Variants in SLC9A9 observed in about 807,000 individuals in gnomAD.
SLC9A9 encodes the protein solute carrier family 9 member A9.
Under a neutral mutation model 77.8 loss-of-function variants are expected in SLC9A9, and 62 were observed. The ratio of observed to expected loss-of-function variants is 0.80; its 90% CI spans 0.65 to 0.98. SLC9A9 has a LOEUF of 0.98. SLC9A9 is among the 50% of genes least tolerant of loss of function. The pLI, the probability that SLC9A9 is intolerant of heterozygous loss-of-function variation, is 0.00. For synonymous variants in SLC9A9, 320 were observed against 283.5 expected (o/e 1.13, Z -1.29); for missense variants, 775 against 774.9 (o/e 1.00, Z 0.00).
chr3:143,764,593 G>A (rs868346917), intron 4 of SLC9A9, among the ~76,000 whole-genome samples: 3 of 152,122 alleles, frequency 2.0e-5, no homozygotes, highest in Non-Finnish European at 2.9e-5. Flanking sequence ...TTGAGGCAGG[G>A]TCTTGCTCTG....
chr3:143,409,616 G>C (rs549759549), intron 12 of SLC9A9, among the ~76,000 whole-genome samples: 15 of 152,348 alleles, frequency 9.8e-5, no homozygotes, highest in African/African-American at 3.6e-4. Context: ...AGAAAGTCAA[G>C]ATGGTCTAAG....
At chr3:143,448,853 G>T (rs2034894457) in intron 12 of SLC9A9, among the ~76,000 whole-genome samples, 1 of 59,314 alleles carries the variant, frequency 1.7e-5, no homozygotes, top group African/African-American at 8.9e-5. Context: ...AATATATTAT[G>T]TTATATAATA....
At chr3:143,567,246 T>C (rs1346359455) in intron 8 of SLC9A9, among the ~76,000 whole-genome samples, 1 of 152,152 alleles carries the variant, frequency 6.6e-6, no homozygotes. Context: ...AAAATAGAGA[T>C]GCCAATTAAT....
chr3:143,693,753 A>T (rs1933548571), intron 4 of SLC9A9, among the ~76,000 whole-genome samples: 1 of 152,120 alleles, frequency 6.6e-6, no homozygotes, highest in Non-Finnish European at 1.5e-5. Context: ...TTGGCCAATC[A>T]CAAGGCACTC....
intron 14 of SLC9A9, among the ~76,000 whole-genome samples, chr3:143,302,798 G>A (rs925951383): frequency 2.0e-5 from 3 of 152,244 alleles, no homozygotes; most frequent in African/African-American, 7.2e-5. Flanking sequence ...GATAAAGCCA[G>A]ATGGGTACAA....
At chr3:143,596,668 T>C (rs1339714841) in intron 6 of SLC9A9, among the ~76,000 whole-genome samples, 1 of 152,078 alleles carries the variant, frequency 6.6e-6, no homozygotes, top group South Asian at 2.1e-4. Flanking sequence ...TCTTTTTCTT[T>C]TTCTTTTTTT....
chr3:143,577,236 C>T (rs1197292325), intron 7 of SLC9A9, among the ~76,000 whole-genome samples: 1 of 152,182 alleles, frequency 6.6e-6, no homozygotes, highest in Non-Finnish European at 1.5e-5. Flanking sequence ...AAGCTGACTC[C>T]ATCCCTCCTG....
intron 14 of SLC9A9, among the ~76,000 whole-genome samples, chr3:143,301,293 T>C (rs1440229885): frequency 6.6e-6 from 1 of 152,226 alleles, no homozygotes; most frequent in African/African-American, 2.4e-5. Flanking sequence ...CAAACTATAG[T>C]CTTCTATCTC....
chr3:143,595,570 A>G (rs2037738961), intron 6 of SLC9A9, among the ~76,000 whole-genome samples: 1 of 152,200 alleles, frequency 6.6e-6, no homozygotes, highest in Admixed American at 6.5e-5. Context: ...CTCAATTAAG[A>G]TCAGATACAA....
chr3:143,612,062 A>G (rs1576609785), intron 6 of SLC9A9, among the ~76,000 whole-genome samples: 1 of 152,178 alleles, frequency 6.6e-6, no homozygotes, highest in Non-Finnish European at 1.5e-5. Flanking sequence ...TCAGTCATCA[A>G]TGTCAGAAAC....
At chr3:143,654,791 G>T (rs934304732) in intron 5 of SLC9A9, among the ~76,000 whole-genome samples, 7 of 152,162 alleles carry the variant, frequency 4.6e-5, no homozygotes, top group Admixed American at 1.3e-4. Flanking sequence ...GAAAAGGAAG[G>T]TAAGGCCCTT....
chr3:143,821,550 G>A (rs1042090772), intron 2 of SLC9A9, among the ~76,000 whole-genome samples: 5 of 152,280 alleles, frequency 3.3e-5, no homozygotes, highest in South Asian at 2.1e-4. Flanking sequence ...TTTTGGGGAC[G>A]TGAAAAATGA....
At chr3:143,608,649 T>G (rs536318987) in intron 6 of SLC9A9, among the ~76,000 whole-genome samples, 1 of 152,338 alleles carries the variant, frequency 6.6e-6, no homozygotes, top group South Asian at 2.1e-4. Context: ...TTGAAACATA[T>G]AAGTACAGTA....
At chr3:143,456,792 T>C (rs1373078514) in intron 12 of SLC9A9, among the ~76,000 whole-genome samples, 1 of 152,124 alleles carries the variant, frequency 6.6e-6, no homozygotes. Flanking sequence ...CTCGAACTCC[T>C]GACCTCATGA....
At chr3:143,528,525 G>A (rs1056046662) in intron 9 of SLC9A9, among the ~76,000 whole-genome samples, 1 of 152,128 alleles carries the variant, frequency 6.6e-6, no homozygotes, top group African/African-American at 2.4e-5. Context: ...TTTTAGCACT[G>A]AAAGTCCTCT....
At chr3:143,552,616 G>A (rs2036913088) in intron 8 of SLC9A9, among the ~76,000 whole-genome samples, 166 bp from the exon 9 acceptor site, 1 of 152,094 alleles carries the variant, frequency 6.6e-6, no homozygotes, top group African/African-American at 2.4e-5. Context: ...GCTTTAAACA[G>A]GGTTTAAACA....
intron 1 of SLC9A9, among the ~76,000 whole-genome samples, chr3:143,840,684 G>A (rs2009684629): frequency 6.6e-6 from 1 of 152,162 alleles, no homozygotes; most frequent in South Asian, 2.1e-4. Flanking sequence ...AGGCTTCAAG[G>A]TAGAGAAGAA....
At chr3:143,578,910 C>T (rs2037410229) in intron 6 of SLC9A9, among the ~76,000 whole-genome samples, 187 bp from the exon 7 acceptor site, 2 of 152,058 alleles carry the variant, frequency 1.3e-5, no homozygotes, top group Non-Finnish European at 2.9e-5. Flanking sequence ...TCCTTATAGC[C>T]CCATCCCATG....
At chr3:143,846,254 T>G (rs1479523385) in intron 1 of SLC9A9, among the ~76,000 whole-genome samples, 1 of 152,212 alleles carries the variant, frequency 6.6e-6, no homozygotes, top group Non-Finnish European at 1.5e-5. Context: ...TGTGAAGAAA[T>G]CTTTCCCTCT....
Sources: allele counts gnomAD v4.1 joint callset (sites outside exome capture counted in the v4.1 genomes callset), GRCh38; gene constraint gnomAD v4.1.1; transcripts MANE v1.5; gene names NCBI Gene and HGNC (gene_info 2026-07-23, HGNC 2026-07-21).